OCA2: variants seen among roughly 807,000 people sequenced by gnomAD.
OCA2 encodes the protein P protein.
Under a neutral mutation model 100.2 loss-of-function variants are expected in OCA2, and 77 were observed. The observed-to-expected ratio is 0.77, with a 90% CI of 0.64 to 0.93. OCA2 has a LOEUF of 0.93. Among genes scored for constraint, OCA2 ranks in the 40% least tolerant of loss-of-function variants. The pLI is 0.00. For synonymous variants in OCA2, 432 were observed against 439.2 expected (o/e 0.98, Z 0.21); for missense variants, 1,062 against 1,089.1 (o/e 0.98, Z 0.35).
the OCA2 span, among the ~76,000 whole-genome samples, chr15:27,735,070 C>A: frequency 6.6e-6 from 1 of 151,896 alleles, no homozygotes; most frequent in Admixed American, 6.6e-5. Context: ...ACTAAGGAAG[C>A]TTTGTGAACT....
intron 17 of OCA2, among the ~76,000 whole-genome samples, chr15:27,954,144 C>G (rs2040135428): frequency 6.7e-6 from 1 of 148,208 alleles, no homozygotes; most frequent in Non-Finnish European, 1.5e-5. Context: ...CACACACACA[C>G]ACACACACAC....
intron 9 of OCA2, among the ~76,000 whole-genome samples, chr15:27,992,302 T>C (rs989533994): frequency 3.3e-5 from 5 of 152,222 alleles, no homozygotes; most frequent in Admixed American, 6.5e-5. Context: ...GGTTTCACCA[T>C]GTTGGCCAGG....
At chr15:28,011,991 GA>G (rs1028696217) in intron 9 of OCA2, among the ~76,000 whole-genome samples, 2 of 148,748 alleles carry the variant, frequency 1.3e-5, no homozygotes, top group African/African-American at 2.5e-5. Context: ...AAAAAAAAAG[GA>G]AAAAAAATTA....
At chr15:28,026,016 A>G (rs568977561) in intron 4 of OCA2, among the ~76,000 whole-genome samples, 12 of 152,374 alleles carry the variant, frequency 7.9e-5, no homozygotes, top group South Asian at 2.1e-4. Flanking sequence ...AGGAATCAAA[A>G]TGACATTTCT....
intron 14 of OCA2, among the ~76,000 whole-genome samples, chr15:27,978,107 T>G (rs2041027775): frequency 6.6e-6 from 1 of 152,252 alleles, no homozygotes; most frequent in African/African-American, 2.4e-5. Flanking sequence ...TTGAGGATTT[T>G]CCACATATCC....
At chr15:27,981,388 G>T (rs998174922) in intron 14 of OCA2, among the ~76,000 whole-genome samples, 6 of 152,186 alleles carry the variant, frequency 3.9e-5, no homozygotes, top group Non-Finnish European at 7.3e-5. Context: ...TTGGTTGCCA[G>T]ACATTGCAAA....
At chr15:27,719,186 G>A in the OCA2 span, among the ~76,000 whole-genome samples, 1 of 152,182 alleles carries the variant, frequency 6.6e-6, no homozygotes, top group Admixed American at 6.5e-5. Context: ...CTGAGATCTT[G>A]AACATGCTGG....
intron 19 of OCA2, among the ~76,000 whole-genome samples, chr15:27,895,463 C>T (rs964497750): frequency 5.3e-5 from 8 of 152,126 alleles, no homozygotes; most frequent in African/African-American, 1.9e-4. Flanking sequence ...ATGCTGATAG[C>T]GATATGGACA....
intron 19 of OCA2, among the ~76,000 whole-genome samples, chr15:27,920,318 A>G (rs536142772): frequency 9.8e-5 from 15 of 152,320 alleles, no homozygotes; most frequent in Admixed American, 7.2e-4. Context: ...AAAGAGCTGG[A>G]GTAACTATGC....
rs2038573323 is a variant in OCA2, at chr15:27,914,143, TC to T, written c.2079+11983del. Among the ~76,000 whole-genome samples, 8 of 152,146 alleles carry T rather than the reference TC, an allele frequency of 5.3e-5. 1 individual carries two copies. The South Asian group carries it at 1.7e-3, about 32-fold the overall frequency. Reference sequence around the variant, plus strand: ...ATAATTAAAAACAAAAACCACATGATCATCGCCATAGATGCAGAACAGGCTT... The same window carrying T: ...ATAATTAAAAACAAAAACCACATGATATCGCCATAGATGCAGAACAGGCTT... On this transcript the variant is annotated intron_variant, in intron 19 of 23. Transcript: ENST00000354638.
chr15:27,735,198 G>T, the OCA2 span, among the ~76,000 whole-genome samples: 5 of 152,066 alleles, frequency 3.3e-5, no homozygotes, highest in African/African-American at 1.2e-4. Context: ...AATCCTGGAG[G>T]TGAAAAATAC....
At chr15:27,862,764 C>T (rs866708089) in intron 21 of OCA2, among the ~76,000 whole-genome samples, 18 of 151,852 alleles carry the variant, frequency 1.2e-4, no homozygotes, top group African/African-American at 4.1e-4. Flanking sequence ...CATGAGCCTC[C>T]GTACCCAGCC....
chr15:28,054,920 G>C (rs2043642201), intron 2 of OCA2, among the ~76,000 whole-genome samples: 1 of 152,148 alleles, frequency 6.6e-6, no homozygotes, highest in Non-Finnish European at 1.5e-5. Context: ...AGAGCAAAGG[G>C]GGAAGCCCCT....
intron 19 of OCA2, among the ~76,000 whole-genome samples, chr15:27,914,810 G>A (rs1394766837): frequency 6.6e-6 from 1 of 152,106 alleles, no homozygotes; most frequent in African/African-American, 2.4e-5. Context: ...CAGATTCAAT[G>A]CTATTCATAT....
intron 19 of OCA2, among the ~76,000 whole-genome samples, chr15:27,925,596 G>C (rs1006103423): frequency 1.3e-5 from 2 of 152,196 alleles, no homozygotes; most frequent in Non-Finnish European, 2.9e-5. Flanking sequence ...TGGGGGCATG[G>C]TTTGAGGAGT....
At chr15:28,010,760 AC>A (rs1439041894) in intron 9 of OCA2, among the ~76,000 whole-genome samples, 1 of 152,258 alleles carries the variant, frequency 6.6e-6, no homozygotes, top group African/African-American at 2.4e-5. Flanking sequence ...ATGTCAAAGC[AC>A]CACATGAAAA....
At chr15:27,728,590 CTCATT>C in the OCA2 span, among the ~76,000 whole-genome samples, 1 of 152,204 alleles carries the variant, frequency 6.6e-6, no homozygotes, top group Non-Finnish European at 1.5e-5. Context: ...TGGGGATTCA[CTCATT>C]AGACAAGAGG....
At position 27,955,153 on chromosome 15, in the gene OCA2, G is replaced by A; in HGVS notation, c.1842+5C>T. The A allele has an allele frequency of 6.2e-7, 1 of 1,604,244 alleles. No individual in the cohort carries two copies. Among genetic ancestry groups the A allele is most frequent in the Non-Finnish European group, 8.5e-7 (1 of 1,170,988 alleles). On this transcript the variant is annotated splice_donor_5th_base_variant and intron_variant, in intron 17 of 23. Transcript: ENST00000354638. ...AGAAATCCCTGAGGAAAGAAAGCTG[G>A]GTACCTTTTTTTGGAGTTCTTGGAT... is the stretch of plus-strand genomic sequence containing the variant.
At chr15:27,729,889 G>A in the OCA2 span, among the ~76,000 whole-genome samples, 5 of 152,322 alleles carry the variant, frequency 3.3e-5, no homozygotes, top group South Asian at 1.0e-3. Flanking sequence ...GGGTTCTACT[G>A]TGTTTCTACT....
Sources: allele counts gnomAD v4.1 joint callset (sites outside exome capture counted in the v4.1 genomes callset), GRCh38; gene constraint gnomAD v4.1.1; transcripts MANE v1.5; gene names NCBI Gene and HGNC (gene_info 2026-07-23, HGNC 2026-07-21).